The following PPP2R2B variants were observed in gnomAD, a reference collection of about 807,000 sequenced individuals.
PPP2R2B encodes the protein serine/threonine-protein phosphatase 2A 55 kDa regulatory subunit B beta isoform.
Under a neutral mutation model 46.0 loss-of-function variants are expected in PPP2R2B, and 5 were observed. That is an observed-to-expected ratio of 0.11 (90% CI 0.06 to 0.23). The LOEUF (loss-of-function observed/expected upper bound fraction) is 0.23. Ranked by LOEUF, PPP2R2B falls within the 10% of genes least tolerant of loss-of-function variation. The probability of loss-of-function intolerance (pLI) is 1.00; values close to 1 mark genes in which losing one functional copy is unlikely to be tolerated. For synonymous variants in PPP2R2B, 215 were observed against 206.7 expected (o/e 1.04, Z -0.34); for missense variants, 367 against 575.0 (o/e 0.64, Z 3.70).
intron 8 of PPP2R2B, among the ~76,000 whole-genome samples, chr5:146,596,101 T>C (rs375196434): frequency 1.3e-5 from 2 of 152,222 alleles, no homozygotes; most frequent in South Asian, 2.1e-4. Flanking sequence ...CCATTGTGCA[T>C]GGAAGCAGCC....
intron 7 of PPP2R2B, among the ~76,000 whole-genome samples, chr5:146,617,687 T>C (rs1773301296): frequency 6.8e-6 from 1 of 147,106 alleles, no homozygotes; most frequent in African/African-American, 2.6e-5. Context: ...CTCATCTCTC[T>C]CTCTCTCTCT....
At chr5:146,764,965 C>T (rs1754390568) in intron 2 of PPP2R2B, among the ~76,000 whole-genome samples, 1 of 151,998 alleles carries the variant, frequency 6.6e-6, no homozygotes, top group African/African-American at 2.4e-5. Context: ...TTTAATTATC[C>T]TCAGGTATAA....
At chr5:146,874,647 G>A (rs1038293404) in intron 2 of PPP2R2B, among the ~76,000 whole-genome samples, 2 of 152,128 alleles carry the variant, frequency 1.3e-5, no homozygotes, top group African/African-American at 4.8e-5. Flanking sequence ...AGAATATTTG[G>A]TCTATCTGTG....
intron 1 of PPP2R2B, among the ~76,000 whole-genome samples, chr5:146,887,252 C>A (rs1201210314): frequency 6.6e-6 from 1 of 152,062 alleles, no homozygotes; most frequent in Non-Finnish European, 1.5e-5. Context: ...CCTCTCAAAT[C>A]TAGCTACATT....
chr5:146,772,793 C>T (rs770028327), intron 2 of PPP2R2B, among the ~76,000 whole-genome samples: 10 of 152,166 alleles, frequency 6.6e-5, no homozygotes, highest in Admixed American at 1.3e-4. Context: ...TGGCCACAAA[C>T]GTTTAAGAAC....
intron 2 of PPP2R2B, among the ~76,000 whole-genome samples, chr5:146,854,962 C>T (rs936227133): frequency 3.9e-5 from 6 of 152,044 alleles, no homozygotes; most frequent in African/African-American, 1.4e-4. Flanking sequence ...AAAATTTGAC[C>T]AAATAACAAA....
At chr5:146,782,793 T>A (rs1344034139) in intron 2 of PPP2R2B, among the ~76,000 whole-genome samples, 1 of 140,296 alleles carries the variant, frequency 7.1e-6, no homozygotes, top group East Asian at 2.1e-4. Context: ...AATTGAAGGG[T>A]GAGAGAGAGA....
Position 146,593,071 on chromosome 5 carries a change from G to C in PPP2R2B, c.961-9C>G, listed in dbSNP as rs199518697. ...CGGAGGTAGTCATGAACCTGGAGAG[G>C]AAACATATCGAGAAGGTCAGTTATT... On this transcript the variant is annotated splice_polypyrimidine_tract_variant and intron_variant, in intron 8 of 9. Coordinates refer to ENST00000394411, the MANE Select transcript of PPP2R2B (RefSeq NM_181675.4). 6.3e-7 allele frequency: 1 copy of C among 1,591,016 alleles called. No homozygotes were observed. The highest frequency in any genetic ancestry group is 2.2e-5 in the East Asian group (1 of 44,752).
intron 2 of PPP2R2B, among the ~76,000 whole-genome samples, chr5:146,826,882 G>A (rs1044013890): frequency 1.3e-5 from 2 of 151,980 alleles, no homozygotes; most frequent in Non-Finnish European, 2.9e-5. Context: ...CTATTGCCCT[G>A]GAATATCTGT....
At chr5:146,883,641 A>T (rs776131613), upstream of PPP2R2B, among the ~76,000 whole-genome samples, 1 of 152,218 alleles carries the variant, frequency 6.6e-6, no homozygotes, top group Non-Finnish European at 1.5e-5. Context: ...CTCTATGATC[A>T]CTAAGCACCA....
intron 5 of PPP2R2B, among the ~76,000 whole-genome samples, chr5:146,680,959 T>C (rs1173197120): frequency 2.0e-5 from 3 of 152,152 alleles, no homozygotes; most frequent in East Asian, 3.8e-4. Context: ...CAAGATCTTG[T>C]TTTTATGCGT....
At chr5:146,770,150 G>T (rs996393258) in intron 2 of PPP2R2B, among the ~76,000 whole-genome samples, 1 of 151,792 alleles carries the variant, frequency 6.6e-6, no homozygotes, top group Non-Finnish European at 1.5e-5. Context: ...CCAACACTGT[G>T]AAACCCCGTC....
At chr5:147,024,864 T>C (rs967056090) in intron 1 of PPP2R2B, among the ~76,000 whole-genome samples, 1 of 152,012 alleles carries the variant, frequency 6.6e-6, no homozygotes, top group East Asian at 1.9e-4. Flanking sequence ...TTAGAAAATA[T>C]AAGTTTTAAA....
intron 2 of PPP2R2B, among the ~76,000 whole-genome samples, chr5:146,861,772 A>G (rs1265720212): frequency 6.6e-6 from 1 of 152,030 alleles, no homozygotes; most frequent in African/African-American, 2.4e-5. Flanking sequence ...ATACAAATAA[A>G]ATTTTATATA....
intron 2 of PPP2R2B, among the ~76,000 whole-genome samples, chr5:146,757,070 G>A (rs1753879084): frequency 6.6e-6 from 1 of 152,128 alleles, no homozygotes; most frequent in Non-Finnish European, 1.5e-5. Flanking sequence ...CAAAACACAT[G>A]GGGAAGAACA....
intron 1 of PPP2R2B, among the ~76,000 whole-genome samples, chr5:146,949,534 T>C (rs1471228843): frequency 6.6e-6 from 1 of 152,044 alleles, no homozygotes; most frequent in African/African-American, 2.4e-5. Context: ...ACTGAGGAAG[T>C]AGAGAAAAGG....
chr5:147,034,494 T>C (rs747831183), intron 1 of PPP2R2B, among the ~76,000 whole-genome samples: 8 of 152,210 alleles, frequency 5.3e-5, no homozygotes, highest in African/African-American at 1.9e-4. Context: ...ATGAAAGGAA[T>C]ATACTCTCAA....
intron 2 of PPP2R2B, among the ~76,000 whole-genome samples, chr5:146,812,482 ATATATATATATACTG>A (rs1384879437): frequency 3.2e-5 from 1 of 31,272 alleles, no homozygotes; most frequent in African/African-American, 8.2e-5. Context: ...TGATAGCAGT[ATATATATATATACTG>A]TATATATATA....
chr5:146,762,178 A>T (rs548570584), intron 2 of PPP2R2B, among the ~76,000 whole-genome samples: 1 of 152,258 alleles, frequency 6.6e-6, no homozygotes, highest in East Asian at 1.9e-4. Context: ...TAAAGAAAAA[A>T]GTTACTGATA....
Sources: allele counts gnomAD v4.1 joint callset (sites outside exome capture counted in the v4.1 genomes callset), GRCh38; gene constraint gnomAD v4.1.1; transcripts MANE v1.5; gene names NCBI Gene and HGNC (gene_info 2026-07-23, HGNC 2026-07-21).